KDM5A: variants seen among roughly 807,000 people sequenced by gnomAD.
KDM5A encodes lysine demethylase 5A, also known as lysine-specific demethylase 5A.
KDM5A carries 42 observed loss-of-function variants against 193.5 expected under a neutral mutation model. The ratio of observed to expected loss-of-function variants is 0.22; its 90% confidence interval spans 0.17 to 0.28. The LOEUF (loss-of-function observed/expected upper bound fraction) is 0.28. Ranked by LOEUF, KDM5A falls within the 10% of genes least tolerant of loss-of-function variation. The pLI, the probability that KDM5A is intolerant of heterozygous loss-of-function variation, is 1.00. For synonymous variants in KDM5A, 796 were observed against 718.1 expected, an observed-to-expected ratio of 1.11 and a Z score of -1.73; for missense variants, 1,692 against 2,055.1, an observed-to-expected ratio of 0.82 and a Z score of 3.42.
intron 25 of KDM5A, 128 bp from the exon 26 acceptor site, chr12:295,921 T>C (rs1224423775): frequency 2.6e-6 from 2 of 767,746 alleles, no homozygotes; most frequent in Non-Finnish European, 4.5e-6. Flanking sequence ...GGATTCATTA[T>C]ATCAGTATGA....
intron 24 of KDM5A, among the ~76,000 whole-genome samples, chr12:303,613 C>T (rs959099597): frequency 3.3e-5 from 5 of 151,916 alleles, no homozygotes; most frequent in South Asian, 4.1e-4. Flanking sequence ...TGTAGCAAAC[C>T]TGTACGTTCT....
chr12:344,095 T>C (rs1182785989), intron 10 of KDM5A, among the ~76,000 whole-genome samples: 3 of 152,180 alleles, frequency 2.0e-5, no homozygotes, highest in Non-Finnish European at 4.4e-5. Context: ...CTGAAAACCA[T>C]GGGACGAGAA....
intron 4 of KDM5A, among the ~76,000 whole-genome samples, chr12:363,773 A>G (rs1289773885): frequency 2.0e-5 from 3 of 152,166 alleles, no homozygotes; most frequent in African/African-American, 7.2e-5. Flanking sequence ...AAAAGAAATA[A>G]AAAAATGGTT....
intron 27 of KDM5A, among the ~76,000 whole-genome samples, chr12:291,376 C>A (rs1943292150): frequency 6.6e-6 from 1 of 152,158 alleles, no homozygotes; most frequent in Non-Finnish European, 1.5e-5. Flanking sequence ...GTACTTACAT[C>A]TCAATTATTG....
chr12:298,389 G>A (rs1038844722), intron 24 of KDM5A, among the ~76,000 whole-genome samples: 7 of 152,236 alleles, frequency 4.6e-5, no homozygotes, highest in South Asian at 4.1e-4. Context: ...CTCTGCTGGC[G>A]ATACCCAGGC....
At chr12:321,924 C>A (rs1943722347) in intron 17 of KDM5A, among the ~76,000 whole-genome samples, 2 of 151,788 alleles carry the variant, frequency 1.3e-5, no homozygotes, top group African/African-American at 4.8e-5. Context: ...TGTGTACATT[C>A]TAGTAGGGGA....
Position 297,135 on chromosome 12 carries a change from G to A in KDM5A, c.4140C>T (p.Pro1380=), listed in dbSNP as rs764142187. The A allele has an allele frequency of 2.1e-5, 34 of 1,613,832 alleles. No homozygotes were observed. In the East Asian group the frequency reaches 6.7e-4, roughly 32 times the overall value. The change falls in exon 25 of 28, where the codon CCC becomes CCT. Residue 1380 remains proline (P), a synonymous_variant. Coordinates refer to ENST00000399788, the MANE Select transcript of KDM5A (RefSeq NM_001042603.3). ...EPNLFCDEEI[P]IKSEEVVTHM... ...GGGTCACCACCTCCTCGGATTTGATGGGAATCTCTTCATCACAAAAAAGAT... is the reference window on the plus strand; with the variant it reads ...GGGTCACCACCTCCTCGGATTTGATAGGAATCTCTTCATCACAAAAAAGAT...
chr12:296,901 C>G (rs1486240622), intron 25 of KDM5A, 140 bp downstream of exon 25: 2 of 858,240 alleles, frequency 2.3e-6, no homozygotes, highest in South Asian at 1.7e-5. Flanking sequence ...CAAAAGAAAA[C>G]AGCATTTTCA....
chr12:385,274 C>A lies in KDM5A; in HGVS notation c.243+623G>T, dbSNP rs115650183. On this transcript the variant is annotated intron_variant, in intron 2 of 27. Transcript: ENST00000399788. ...TTCAGAATGACATAATAAACCTTTG[C>A]TATCAATAATTTTCCTTCTGTACTC... 8.3e-3 allele frequency among the ~76,000 whole-genome samples: 1,262 copies of A among 151,578 alleles called. 19 individuals carry two copies. The highest frequency in any genetic ancestry group is 0.029 in the African/African-American group (1,206 of 41,392).
At chr12:372,283 G>A (rs1203171096) in intron 3 of KDM5A, among the ~76,000 whole-genome samples, 3 of 152,074 alleles carry the variant, frequency 2.0e-5, no homozygotes, top group African/African-American at 7.2e-5. Flanking sequence ...ATTGAGCAGT[G>A]GTTTGTAGTT....
chr12:297,620 A>C (rs1170041738), intron 24 of KDM5A, among the ~76,000 whole-genome samples: 1 of 152,172 alleles, frequency 6.6e-6, no homozygotes, highest in Non-Finnish European at 1.5e-5. Context: ...AAGATAAGGA[A>C]ATTTTTCCAA....
At chr12:290,607 T>TA (rs1254184962) in intron 27 of KDM5A, among the ~76,000 whole-genome samples, 1 of 152,190 alleles carries the variant, frequency 6.6e-6, no homozygotes, top group Non-Finnish European at 1.5e-5. Flanking sequence ...TCTTAGCACT[T>TA]ACGTTGCATT....
chr12:346,271 A>G (rs1247685170), intron 10 of KDM5A, among the ~76,000 whole-genome samples: 1 of 152,210 alleles, frequency 6.6e-6, no homozygotes, highest in Non-Finnish European at 1.5e-5. Flanking sequence ...TGAGGCAATA[A>G]TAGCCTACCA....
In KDM5A at chr12:363,022, G is replaced by C; in HGVS notation, c.613C>G (p.Pro205Ala). 1 of 1,614,088 alleles carries C rather than the reference G, an allele frequency of 6.2e-7. No homozygotes were observed. The highest frequency in any genetic ancestry group is 8.5e-7 in the Non-Finnish European group (1 of 1,180,002). Reference protein sequence around the residue: ...EVLSTDTQTSPEPGTRMNILP... With the variant: ...EVLSTDTQTSAEPGTRMNILP... ...ATGTTCATCCTTGTGCCTGGCTCTG[G>C]GGAAGTTTGGGTATCAGTGCTGAGA... Residue 205 changes from proline to alanine, a missense_variant, in exon 5 of 28, where the codon CCA becomes GCA. Pro to Ala is a conservative substitution (Grantham distance 27, BLOSUM62 -1). Around this residue, in one of 11 missense-constraint regions of KDM5A, gnomAD observed 134 missense variants for 124.2 expected, o/e 1.08. Transcript: ENST00000399788.
chr12:383,346 T>C (rs1361178346), intron 3 of KDM5A, among the ~76,000 whole-genome samples: 1 of 152,034 alleles, frequency 6.6e-6, no homozygotes, highest in Non-Finnish European at 1.5e-5. Flanking sequence ...TCCTGAGTGG[T>C]TGAGACTACA....
At chr12:357,558 G>A (rs956008992) in intron 5 of KDM5A, among the ~76,000 whole-genome samples, 9 of 151,590 alleles carry the variant, frequency 5.9e-5, no homozygotes, top group African/African-American at 1.7e-4. Context: ...GGCTGGGCAC[G>A]GTGGCTCATG....
At chr12:324,730 GGGC>G (rs1283022483) in intron 14 of KDM5A, among the ~76,000 whole-genome samples, 2 of 151,482 alleles carry the variant, frequency 1.3e-5, no homozygotes, top group African/African-American at 4.9e-5. Context: ...AAAGTTAGCC[GGGC>G]GTGGTGATGC....
intron 19 of KDM5A, among the ~76,000 whole-genome samples, chr12:315,543 C>A (rs12306188): frequency 0.07 from 10,723 of 152,110 alleles, 844 homozygotes; most frequent in East Asian, 0.35. Flanking sequence ...CCATTGCACA[C>A]CCCAGCCTGG....
Position 281,943 on chromosome 12 carries a change from G to A in KDM5A, c.*3513C>T, listed in dbSNP as rs1943158283. The A allele has an allele frequency of 3.5e-6, 1 of 284,374 alleles. No individual in the cohort carries two copies. Among genetic ancestry groups the A allele is most frequent in the Non-Finnish European group, 6.9e-6 (1 of 144,372 alleles). The allele number at this position is 284,374 out of a possible 1,614,324, so 17.6% of individuals were successfully genotyped here. A position where few individuals can be genotyped will look rare whatever the true frequency, so the allele number is the denominator to read the frequency against. ...CACCTGCTAGCACAGAAGCGCAGAA[G>A]CAAAGCCCAGGCAGAACCATGCTAA... On this transcript the variant is annotated 3_prime_UTR_variant, in exon 28 of 28. Transcript: ENST00000399788.
Sources: gnomAD v4.1 joint callset for allele counts (sites outside exome capture counted in the v4.1 genomes callset) on GRCh38, gnomAD v4.1.1 for gene constraint, gnomAD v4.1.1 regional missense constraint, MANE v1.5 for transcripts, NCBI Gene and HGNC (gene_info 2026-07-23, HGNC 2026-07-21) for gene names.